The following TRHDE variants were observed in gnomAD, a reference collection of about 807,000 sequenced individuals.
TRHDE encodes the protein thyrotropin releasing hormone degrading enzyme, also known as thyrotropin-releasing hormone-degrading ectoenzyme.
TRHDE carries 72 observed loss-of-function variants against 125.7 expected under a neutral mutation model. The observed-to-expected ratio is 0.57, with a 90% CI of 0.47 to 0.70. The LOEUF (loss-of-function observed/expected upper bound fraction) is 0.70. TRHDE is among the 30% of genes least tolerant of loss of function. The pLI is 0.00. For missense variants in TRHDE, 1,110 were observed against 1,327.1 expected (o/e 0.84, Z 2.54); for synonymous variants, 509 against 509.1 (o/e 1.00, Z 0.00).
At chr12:72,498,605 G>GA (rs1359513915) in intron 5 of TRHDE, among the ~76,000 whole-genome samples, 1 of 152,138 alleles carries the variant, frequency 6.6e-6, no homozygotes, top group Non-Finnish European at 1.5e-5. Context: ...AGGCCAGGAA[G>GA]ACTACTAGCT....
At chr12:72,345,032 A>C (rs1870253007) in intron 2 of TRHDE, among the ~76,000 whole-genome samples, 1 of 152,062 alleles carries the variant, frequency 6.6e-6, no homozygotes, top group South Asian at 2.1e-4. Flanking sequence ...AGTGGTTGAT[A>C]TGTTTATTTA....
chr12:72,667,806 T>C lies in TRHDE; in HGVS notation c.*4611T>C, dbSNP rs540635871. The C allele has an allele frequency of 4.6e-5, 7 of 151,888 alleles. No homozygotes were observed. Among genetic ancestry groups the C allele is most frequent in the African/African-American group, 1.4e-4 (6 of 41,544 alleles). The allele number at this position is 151,888 out of a possible 1,614,324, so 9.4% of individuals were successfully genotyped here. Reference sequence around the variant, plus strand: ...ATAATAGAGTTTAAACTCTAATAATTGGAATATAAATTGGGATGGAATTTA... The same window carrying C: ...ATAATAGAGTTTAAACTCTAATAATCGGAATATAAATTGGGATGGAATTTA... On this transcript the variant is annotated 3_prime_UTR_variant, in exon 19 of 19. Transcript: ENST00000261180.
chr12:72,135,472 G>C (rs1172020488), intron 2 of TRHDE, among the ~76,000 whole-genome samples: 1 of 151,888 alleles, frequency 6.6e-6, no homozygotes, highest in East Asian at 1.9e-4. Context: ...GCTCAGCAGT[G>C]GTTGGTAGCC....
intron 3 of TRHDE, among the ~76,000 whole-genome samples, chr12:72,438,782 T>A (rs1592445315): frequency 1.3e-5 from 2 of 151,920 alleles, no homozygotes; most frequent in Admixed American, 1.3e-4. Context: ...TTTGGTTTGA[T>A]ATAATTTCAT....
At chr12:72,156,337 G>A (rs867876887) in intron 2 of TRHDE, among the ~76,000 whole-genome samples, 8 of 152,198 alleles carry the variant, frequency 5.3e-5, no homozygotes, top group East Asian at 1.9e-4. Flanking sequence ...GACCCCTTGC[G>A]CTTCCCGGAT....
rs1464940721 is a variant in TRHDE at position 72,088,632 on chromosome 12, G to A, written n.174+1193G>A. 2.0e-5 allele frequency among the ~76,000 whole-genome samples: 3 copies of A among 151,942 alleles called. No individual in the cohort carries two copies. In the East Asian group the frequency reaches 5.8e-4, roughly 29 times the overall value. On this transcript the variant is annotated intron_variant and non_coding_transcript_variant, in intron 1 of 4. Transcript: ENST00000548156. ...CTCTCATCTGTAAAATGGAAATGAT[G>A]AAATATCTGGCTACTTATAGGGATT...
At chr12:72,343,667 G>T (rs1870184016) in intron 2 of TRHDE, among the ~76,000 whole-genome samples, 1 of 152,034 alleles carries the variant, frequency 6.6e-6, no homozygotes, top group Non-Finnish European at 1.5e-5. Context: ...CATAACTGAT[G>T]ATGAGTATTC....
chr12:72,255,030 A>C (rs183909983), intron 2 of TRHDE: 1 of 152,296 alleles, frequency 6.6e-6, no homozygotes, highest in Admixed American at 6.5e-5. Flanking sequence ...CCAACACTCC[A>C]CTGAGACTGT....
chr12:72,562,788 CTTAATG>C (rs745377295), intron 8 of TRHDE, 59 bp from the exon 9 acceptor site: 29 of 1,049,398 alleles, frequency 2.8e-5, no homozygotes, highest in Non-Finnish European at 3.7e-5. Flanking sequence ...ATAAAAATGT[CTTAATG>C]TTAATAATGT....
At position 72,273,626 on chromosome 12, in the gene TRHDE, G is replaced by A; in HGVS notation, c.914+69G>A. 2 of 1,426,930 alleles carry A rather than the reference G, an allele frequency of 1.4e-6. No individual in the cohort carries two copies. Among genetic ancestry groups the A allele is most frequent in the East Asian group, 2.3e-5 (1 of 43,494 alleles). The allele number at this position is 1,426,930 out of a possible 1,614,324, so 88.4% of individuals were successfully genotyped here. A position where few individuals can be genotyped will look rare whatever the true frequency, so the allele number is the denominator to read the frequency against. On this transcript the variant is annotated intron_variant, in intron 1 of 18. Coordinates refer to ENST00000261180, the MANE Select transcript of TRHDE (RefSeq NM_013381.3). This position sits in a 1 kb window ranked among gnomAD's most constrained non-coding sequence, Gnocchi z 5.3. ...CGGCTCGAACCTCTGGGCGGCCTGC[G>A]ACCCCGGGGACCCAGCTGGCTTCCA...
At chr12:72,357,257 A>C (rs1405851019) in intron 2 of TRHDE, among the ~76,000 whole-genome samples, 1 of 151,548 alleles carries the variant, frequency 6.6e-6, no homozygotes, top group African/African-American at 2.4e-5. Context: ...TATTACTTAC[A>C]AAATTCATCA....
At chr12:72,637,943 A>C (rs1873840997) in intron 15 of TRHDE, among the ~76,000 whole-genome samples, 1 of 152,100 alleles carries the variant, frequency 6.6e-6, no homozygotes, top group African/African-American at 2.4e-5. Context: ...CCGTTTTGGA[A>C]TAGGTGTGGT....
At chr12:72,124,718 T>C (rs770379503) in intron 2 of TRHDE, among the ~76,000 whole-genome samples, 8 of 152,190 alleles carry the variant, frequency 5.3e-5, no homozygotes, top group Non-Finnish European at 1.0e-4. Context: ...CTGTATTTAA[T>C]GGTGCTATAA....
chr12:72,380,202 T>C (rs1024013463), intron 3 of TRHDE, among the ~76,000 whole-genome samples: 28 of 152,324 alleles, frequency 1.8e-4, no homozygotes, highest in African/African-American at 5.5e-4. Context: ...TATAAGCATT[T>C]ACTGAGTGCC....
chr12:72,240,156 T>G (rs542798446), intron 2 of TRHDE, among the ~76,000 whole-genome samples: 1 of 152,110 alleles, frequency 6.6e-6, no homozygotes, highest in Non-Finnish European at 1.5e-5. Flanking sequence ...TTTCACCTTT[T>G]TTCATTTTTA....
intron 2 of TRHDE, among the ~76,000 whole-genome samples, chr12:72,295,160 T>A (rs924000576): frequency 1.2e-4 from 1 of 8,646 alleles, no homozygotes; most frequent in African/African-American, 4.7e-4. Flanking sequence ...GGTTGGGGGG[T>A]GGGAGGGGTT....
At chr12:72,658,942 T>C (rs1482475970) in intron 18 of TRHDE, among the ~76,000 whole-genome samples, 1 of 152,130 alleles carries the variant, frequency 6.6e-6, no homozygotes, top group Non-Finnish European at 1.5e-5. Flanking sequence ...GGGGTTTTGG[T>C]TTTTATGGTG....
intron 3 of TRHDE, among the ~76,000 whole-genome samples, chr12:72,390,241 C>T (rs1373656358): frequency 2.0e-5 from 3 of 152,152 alleles, no homozygotes; most frequent in Non-Finnish European, 4.4e-5. Flanking sequence ...CTAACCAGAA[C>T]AGCTGTATTT....
intron 6 of TRHDE, among the ~76,000 whole-genome samples, chr12:72,525,559 C>A (rs1197962262): frequency 6.7e-6 from 1 of 149,866 alleles, no homozygotes; most frequent in African/African-American, 2.5e-5. Flanking sequence ...TCACAAGAAG[C>A]CTTGAAATAC....
Sources: gnomAD v4.1 joint callset for allele counts (sites outside exome capture counted in the v4.1 genomes callset) on GRCh38, gnomAD v4.1.1 for gene constraint, Gnocchi (gnomAD v3.1) non-coding constraint, MANE v1.5 for transcripts, NCBI Gene and HGNC (gene_info 2026-07-23, HGNC 2026-07-21) for gene names.